CD70: variants seen among roughly 807,000 people sequenced by gnomAD.
CD70 encodes the protein CD70 molecule.
In CD70, 6 loss-of-function variants were observed where a neutral mutation model predicts 9.0. The observed-to-expected ratio is 0.67, with a 90% CI of 0.37 to 1.32. CD70 has a LOEUF of 1.32. Ranked by LOEUF, CD70 falls within the 40% of genes most tolerant of loss-of-function variation. The pLI, the probability that CD70 is intolerant of heterozygous loss-of-function variation, is 0.02. For missense variants in CD70, 235 were observed against 258.7 expected, an observed-to-expected ratio of 0.91 and a Z score of 0.63; for synonymous variants, 108 against 112.3, an observed-to-expected ratio of 0.96 and a Z score of 0.24.
chr19:6,586,376 G>T lies in CD70; in HGVS notation c.226C>A (p.Gln76Lys). The T allele has an allele frequency of 6.2e-7, 1 of 1,611,910 alleles. No individual in the cohort carries two copies. The highest frequency in any genetic ancestry group is 8.5e-7 in the Non-Finnish European group (1 of 1,179,522). The part of the protein sequence containing the change: ...GPQQDPRLYW[Q>K]GGPALGRSFL... Reference sequence around the variant, plus strand: ...GAGCGGCCCAGTGCTGGGCCCCCCTGCCAGTATAGCCTGGGGTCCTGCTGA... The same window carrying T: ...GAGCGGCCCAGTGCTGGGCCCCCCTTCCAGTATAGCCTGGGGTCCTGCTGA... The change falls in exon 3 of 3, where the codon CAG becomes AAG. Residue 76 changes from glutamine to lysine, a missense_variant. Physicochemically the swap from Gln to Lys is moderately conservative, Grantham distance 53. Coordinates refer to ENST00000245903, the MANE Select transcript of CD70 (RefSeq NM_001252.5).
rs745678541 is a variant in CD70 at position 6,591,032 on chromosome 19, G to A, written c.-30C>T. ...GCGGCGATCACCTCCGCTAGCGCAG[G>A]AGGGGCGATGGGGGCGCGGAGCGCT... is the stretch of plus-strand genomic sequence containing the variant. On this transcript the variant is annotated 5_prime_UTR_variant, in exon 1 of 3. Transcript: ENST00000245903. The A allele has an allele frequency of 5.7e-6, 9 of 1,568,390 alleles. No individual in the cohort carries two copies. In the East Asian group the frequency reaches 2.1e-4, roughly 36 times the overall value.
At chr19:6,582,311 T>C (rs408372), downstream of CD70, among the ~76,000 whole-genome samples, 121,510 of 148,940 alleles carry the variant, frequency 0.82, 50,139 homozygotes, top group Non-Finnish European at 0.88. Context: ...GTTAGGATTA[T>C]AGGCATGAGC....
At chr19:6,586,522 G>A (rs149758758) in intron 2 of CD70, 117 bp from the exon 3 acceptor site, 1,262 of 1,164,068 alleles carry the variant, frequency 1.1e-3, no homozygotes, top group Admixed American at 2.3e-3. Context: ...GAATAGGTTG[G>A]ACGTGGTGGC....
At position 6,586,213 on chromosome 19, in the gene CD70, A is replaced by G. The variant is rs1297978367; in HGVS notation, c.389T>C (p.Val130Ala). Residue 130 changes from valine to alanine, a missense_variant, in exon 3 of 3, where the codon GTG (valine) becomes GCG (alanine). Transcript: ENST00000245903. ...ACGGGAGGCGGGAGAGCAGATTCCC[A>G]CGGCCAGGGTGGTGGGGTGGTGCCT... is the stretch of plus-strand genomic sequence containing the variant. ...ASRHHPTTLAVGICSPASRSI... is the reference protein window; with the variant it reads ...ASRHHPTTLAAGICSPASRSI... 6.2e-7 allele frequency: 1 copy of G among 1,614,048 alleles called. No individual in the cohort carries two copies. Among genetic ancestry groups the G allele is most frequent in the Non-Finnish European group, 8.5e-7 (1 of 1,180,012 alleles).
rs1599453959 is a variant in CD70, at chr19:6,590,584, A to T, written c.162+257T>A. 1.3e-5 allele frequency among the ~76,000 whole-genome samples: 2 copies of T among 152,190 alleles called. No individual in the cohort carries two copies. The highest frequency in any genetic ancestry group is 1.9e-4 in the East Asian group (1 of 5,154). ...GCCTCTGAGTCAGCCTGCCGGGGGA[A>T]CACCAGAGCCGAGTCATCTTCCATT... On this transcript the variant is annotated intron_variant, in intron 1 of 2. Coordinates refer to ENST00000245903, the MANE Select transcript of CD70 (RefSeq NM_001252.5). This position sits in a 1 kb window ranked among gnomAD's most constrained non-coding sequence, Gnocchi z 5.3.
downstream of CD70, among the ~76,000 whole-genome samples, chr19:6,581,803 C>A (rs1168325402): frequency 6.6e-6 from 1 of 151,976 alleles, no homozygotes; most frequent in African/African-American, 2.4e-5. Context: ...CCTAACTATC[C>A]CCCAAAGTCT....
chr19:6,583,255 C>T, downstream of CD70: 1 of 624,056 alleles, frequency 1.6e-6, no homozygotes, highest in Non-Finnish European at 2.9e-6. Context: ...CTGTTAAATA[C>T]TGAGGTTCCA....
At position 6,590,244 on chromosome 19, in the gene CD70, A is replaced by C. The variant is rs1916127620; in HGVS notation, c.163-108T>G. The C allele has an allele frequency of 7.2e-6, 6 of 828,296 alleles. No individual in the cohort carries two copies. The highest frequency in any genetic ancestry group is 2.5e-5 in the East Asian group (1 of 40,676). 51.3% of individuals were successfully genotyped at this position (828,296 alleles called of 1,614,324 possible). ...CTGTCCATCCTCCTTTCCACCTCTC[A>C]TCCCACGGCGCGCACTGGTGATTTT... On this transcript the variant is annotated intron_variant, in intron 1 of 2. Coordinates refer to ENST00000245903, the MANE Select transcript of CD70 (RefSeq NM_001252.5). This position sits in a 1 kb window ranked among gnomAD's most constrained non-coding sequence, Gnocchi z 5.3.
At chr19:6,589,044 A>G (rs904915223) in intron 2 of CD70, among the ~76,000 whole-genome samples, 6 of 152,170 alleles carry the variant, frequency 3.9e-5, no homozygotes, top group Admixed American at 3.3e-4. Flanking sequence ...AAGGACTGAG[A>G]GGGAAAGGGA....
intron 2 of CD70, among the ~76,000 whole-genome samples, chr19:6,586,842 G>C (rs954896331): frequency 6.9e-6 from 1 of 144,082 alleles, no homozygotes; most frequent in East Asian, 2.1e-4. Flanking sequence ...AAGGGAAGGA[G>C]AGAGGGGTAA....
intron 2 of CD70, among the ~76,000 whole-genome samples, chr19:6,589,798 T>C (rs1427662915): frequency 6.7e-6 from 1 of 149,826 alleles, no homozygotes; most frequent in Non-Finnish European, 1.5e-5. Flanking sequence ...CCCTCCCTCT[T>C]CCACTCTCCC....
downstream of CD70, among the ~76,000 whole-genome samples, chr19:6,583,789 ATTT>A (rs59486408): frequency 5.8e-3 from 575 of 98,838 alleles, 4 homozygotes; most frequent in African/African-American, 0.014. Flanking sequence ...TGTGGTCTTG[ATTT>A]TTTTTTTTTT....
In CD70 at chr19:6,590,639, G is replaced by C. The variant is rs1322715461; in HGVS notation, c.162+202C>G. Among the ~76,000 whole-genome samples the C allele has an allele frequency of 2.0e-5, 3 of 152,144 alleles. No homozygotes were observed. The highest frequency in any genetic ancestry group is 4.4e-5 in the Non-Finnish European group (3 of 68,008). ...TGTGTGCCTACCTTTCCCATCCCGG[G>C]ATCTCCCTGTACCTCCTGGCAGGGC... On this transcript the variant is annotated intron_variant, in intron 1 of 2. Transcript: ENST00000245903. This position sits in a 1 kb window ranked among gnomAD's most constrained non-coding sequence, Gnocchi z 5.3.
rs377111851 is a variant in CD70, at chr19:6,590,808, T to C, written c.162+33A>G. The C allele has an allele frequency of 1.3e-6, 2 of 1,586,738 alleles. No homozygotes were observed. The highest frequency in any genetic ancestry group is 1.7e-4 in the Middle Eastern group (1 of 5,986). ...GTCTTTTCGGTCACGCGCCTCTCTA[T>C]GTTTTCTTCCCAACTTTTCCATCTC... On this transcript the variant is annotated intron_variant, in intron 1 of 2. Transcript: ENST00000245903. The surrounding 1 kb of genome is among the most constrained non-coding windows in gnomAD (Gnocchi z 5.3).
At chr19:6,583,083 C>T (rs1192381221), downstream of CD70, 1 of 391,098 alleles carries the variant, frequency 2.6e-6, no homozygotes, top group Non-Finnish European at 4.6e-6. Context: ...CATTTTCCCT[C>T]CCTCAGCTGG....
chr19:6,586,902 C>CAAAAAA (rs55803401), intron 2 of CD70, among the ~76,000 whole-genome samples: 19 of 85,286 alleles, frequency 2.2e-4, no homozygotes, highest in Admixed American at 3.2e-4. Context: ...GAGAGAGAGA[C>CAAAAAA]AAAAAAAAAA....
In CD70 at chr19:6,585,944, C is replaced by T. The variant is rs1198482702; in HGVS notation, c.*76G>A. 2 of 1,209,720 alleles carry T rather than the reference C, an allele frequency of 1.7e-6. No individual in the cohort carries two copies. The highest frequency in any genetic ancestry group is 2.6e-5 in the Admixed American group (1 of 38,754). 74.9% of individuals were successfully genotyped at this position (1,209,720 alleles called of 1,614,324 possible). ...CACTCCCACCCCAACCCCGGGTGGC[C>T]CCTGTGTGTACACTTTTTCTCTTGA... is the stretch of plus-strand genomic sequence containing the variant. On this transcript the variant is annotated 3_prime_UTR_variant, in exon 3 of 3. Coordinates refer to ENST00000245903, the MANE Select transcript of CD70 (RefSeq NM_001252.5).
intron 2 of CD70, among the ~76,000 whole-genome samples, chr19:6,587,355 A>G (rs541662048): frequency 1.9e-4 from 29 of 151,828 alleles, no homozygotes; most frequent in Non-Finnish European, 3.8e-4. Flanking sequence ...AGAGAGGACG[A>G]GAGAGCTTGA....
Position 6,591,085 on chromosome 19 carries a change from CCCCCT to C in CD70, c.-88_-84del. 1.4e-6 allele frequency: 2 copies of C among 1,431,446 alleles called. No individual in the cohort carries two copies. Among genetic ancestry groups the C allele is most frequent in the Non-Finnish European group, 1.9e-6 (2 of 1,079,024 alleles). The allele number at this position is 1,431,446 out of a possible 1,614,324, so 88.7% of individuals were successfully genotyped here. A position where few individuals can be genotyped will look rare whatever the true frequency, so the allele number is the denominator to read the frequency against. On this transcript the variant is annotated 5_prime_UTR_variant, in exon 1 of 3. Transcript: ENST00000245903. Reference sequence around the variant, plus strand: ...CGAGAAGGAAGGAAGGAAACTGCAGCCCCCTCCCGGGGCTCCTGGGCGTCTACTTG... The same window carrying C: ...CGAGAAGGAAGGAAGGAAACTGCAGCCCCGGGGCTCCTGGGCGTCTACTTG...
Sources: gnomAD v4.1 joint callset for allele counts (sites outside exome capture counted in the v4.1 genomes callset) on GRCh38, gnomAD v4.1.1 for gene constraint, Gnocchi (gnomAD v3.1) non-coding constraint, MANE v1.5 for transcripts, NCBI Gene and HGNC (gene_info 2026-07-23, HGNC 2026-07-21) for gene names.